Variants in C14orf39 observed in about 807,000 individuals in gnomAD.
C14orf39 encodes protein SIX6OS1.
Under a neutral mutation model 85.6 loss-of-function variants are expected in C14orf39, and 66 were observed. The observed-to-expected ratio is 0.77, with a 90% CI of 0.63 to 0.95. C14orf39 has a LOEUF of 0.95. Ranked by LOEUF, C14orf39 falls within the 40% of genes least tolerant of loss-of-function variation. C14orf39 has a pLI of 0.00. For synonymous variants in C14orf39, 242 were observed against 214.0 expected, an observed-to-expected ratio of 1.13 and a Z score of -1.14; for missense variants, 735 against 663.9, an observed-to-expected ratio of 1.11 and a Z score of -1.18.
intron 2 of C14orf39, among the ~76,000 whole-genome samples, chr14:60,492,821 A>C (rs1480226202): frequency 6.6e-6 from 1 of 152,074 alleles, no homozygotes; most frequent in Non-Finnish European, 1.5e-5. Context: ...AGATAAATTA[A>C]AGCTTTCACA....
intron 1 of C14orf39, among the ~76,000 whole-genome samples, chr14:60,508,746 C>A (rs370683345): frequency 2.6e-5 from 4 of 152,222 alleles, no homozygotes; most frequent in Admixed American, 6.5e-5. Context: ...ACTAAACTTG[C>A]GAATTCTCGG....
chr14:60,461,560 T>C lies in C14orf39; in HGVS notation c.1006A>G (p.Lys336Glu). 6.3e-7 allele frequency: 1 copy of C among 1,585,692 alleles called. No individual in the cohort carries two copies. Among genetic ancestry groups the C allele is most frequent in the South Asian group, 1.2e-5 (1 of 84,762 alleles). Residue 336 changes from lysine (K) to glutamate (E), a missense_variant, in exon 12 of 18, where the codon AAA (lysine) becomes GAA (glutamate). Transcript: ENST00000321731. Reference protein sequence around the residue: ...FNDSAVDNHSKCSHITTITSS... With the variant: ...FNDSAVDNHSECSHITTITSS... ...GTGATAGTCGTAATATGTGAACATT[T>C]TGAATGGTTATCCACAGCAGAGTCA...
At chr14:60,461,440 AT>A in intron 12 of C14orf39, 28 bp from the exon 13 acceptor site, 7 of 1,587,860 alleles carry the variant, frequency 4.4e-6, no homozygotes, top group Non-Finnish European at 5.2e-6. Context: ...TAATTTTTGT[AT>A]TTTTTCTGAG....
chr14:60,465,847 T>G (rs1891755993), intron 11 of C14orf39, 132 bp downstream of exon 11: 1 of 359,062 alleles, frequency 2.8e-6, no homozygotes, highest in Non-Finnish European at 4.9e-6. Flanking sequence ...TTTAATAAAT[T>G]TATAACACAC....
chr14:60,462,049 C>G (rs746796754), intron 11 of C14orf39, among the ~76,000 whole-genome samples: 3 of 151,956 alleles, frequency 2.0e-5, no homozygotes, highest in Non-Finnish European at 4.4e-5. Context: ...CATAAAAGAG[C>G]TATTATTCCA....
At chr14:60,460,338 C>T (rs1256004377) in intron 13 of C14orf39, among the ~76,000 whole-genome samples, 1 of 151,656 alleles carries the variant, frequency 6.6e-6, no homozygotes, top group East Asian at 1.9e-4. Context: ...TAAAACAGAT[C>T]ACCTGCACAT....
At chr14:60,487,883 C>G (rs1008329114), upstream of C14orf39, among the ~76,000 whole-genome samples, 1 of 152,074 alleles carries the variant, frequency 6.6e-6, no homozygotes, top group Non-Finnish European at 1.5e-5. Flanking sequence ...TTCAGCATTT[C>G]TTTATATATC....
At chr14:60,463,324 T>C (rs1891614899) in intron 11 of C14orf39, among the ~76,000 whole-genome samples, 1 of 152,160 alleles carries the variant, frequency 6.6e-6, no homozygotes, top group South Asian at 2.1e-4. Flanking sequence ...TTATATAGTA[T>C]ACATTGTGGA....
intron 9 of C14orf39, among the ~76,000 whole-genome samples, chr14:60,467,372 G>A (rs1891846075): frequency 6.6e-6 from 1 of 151,752 alleles, no homozygotes; most frequent in Non-Finnish European, 1.5e-5. Context: ...GCATGCTTCA[G>A]ATTTCATGGT....
At chr14:60,514,576 T>C (rs1893335794) in intron 1 of C14orf39, among the ~76,000 whole-genome samples, 1 of 151,832 alleles carries the variant, frequency 6.6e-6, no homozygotes, top group African/African-American at 2.4e-5. Flanking sequence ...CACCCGTCAC[T>C]CCCTCCTTTC....
intron 5 of C14orf39, 131 bp downstream of exon 5, chr14:60,478,169 A>G: frequency 3.3e-6 from 1 of 301,498 alleles, no homozygotes; most frequent in Non-Finnish European, 6.1e-6. Flanking sequence ...ACAGAGCGAG[A>G]CTCCATCTCA....
intron 1 of C14orf39, among the ~76,000 whole-genome samples, chr14:60,510,479 T>C (rs1425002468): frequency 6.6e-6 from 1 of 152,226 alleles, no homozygotes; most frequent in Non-Finnish European, 1.5e-5. Flanking sequence ...TCCCATGCGC[T>C]GCCTGCCACT....
intron 5 of C14orf39, among the ~76,000 whole-genome samples, chr14:60,477,720 T>G (rs1325316809): frequency 6.6e-6 from 1 of 152,192 alleles, no homozygotes; most frequent in Non-Finnish European, 1.5e-5. Flanking sequence ...AACAGTTCAC[T>G]CATAAAGACC....
At chr14:60,499,447 G>C (rs1428739223) in intron 1 of C14orf39, 1 of 152,174 alleles carries the variant, frequency 6.6e-6, no homozygotes, top group Non-Finnish European at 1.5e-5. Flanking sequence ...AAAAAGAATA[G>C]ATCAATCAAT....
chr14:60,488,295 C>A (rs1053642074), upstream of C14orf39, among the ~76,000 whole-genome samples: 1 of 152,056 alleles, frequency 6.6e-6, no homozygotes, highest in African/African-American at 2.4e-5. Flanking sequence ...TAAAAATATA[C>A]CTAAGTTCTA....
chr14:60,509,246 C>G, intron 1 of C14orf39: 4 of 689,584 alleles, frequency 5.8e-6, no homozygotes, highest in South Asian at 5.1e-5. Flanking sequence ...CGTCCGCTCC[C>G]GGCCGTTGAG....
At chr14:60,500,786 G>A (rs1325540354) in intron 1 of C14orf39, among the ~76,000 whole-genome samples, 1 of 152,048 alleles carries the variant, frequency 6.6e-6, no homozygotes, top group Non-Finnish European at 1.5e-5. Flanking sequence ...ATAGTACTAC[G>A]AGAAACTCAT....
chr14:60,450,778 C>T (rs1116854), intron 16 of C14orf39, among the ~76,000 whole-genome samples: 3 of 152,050 alleles, frequency 2.0e-5, no homozygotes, highest in African/African-American at 7.3e-5. Context: ...CACCTCCCCC[C>T]ACTCCAGGCA....
At chr14:60,487,526 T>C (rs993910998), upstream of C14orf39, among the ~76,000 whole-genome samples, 3 of 149,806 alleles carry the variant, frequency 2.0e-5, no homozygotes, top group African/African-American at 4.9e-5. Flanking sequence ...TATCCATTCA[T>C]TGACAAATGA....
Sources: gnomAD v4.1 joint callset for allele counts (sites outside exome capture counted in the v4.1 genomes callset) on GRCh38, gnomAD v4.1.1 for gene constraint, MANE v1.5 for transcripts, NCBI Gene and HGNC (gene_info 2026-07-23, HGNC 2026-07-21) for gene names.